Variants in SPEF2 observed in about 807,000 individuals in gnomAD.
SPEF2 encodes the protein sperm flagellar and cilia associated 2, also known as sperm flagella and cilia-associated protein 2.
In SPEF2, 187 loss-of-function variants were observed where a neutral mutation model predicts 224.6. That is an observed-to-expected ratio of 0.83 (90% CI 0.74 to 0.94). The LOEUF (loss-of-function observed/expected upper bound fraction) is 0.94, where lower values mean the gene tolerates loss of function less well. Ranked by LOEUF, SPEF2 falls within the 40% of genes least tolerant of loss-of-function variation. The pLI is 0.00. For synonymous variants in SPEF2, 715 were observed against 707.3 expected, an observed-to-expected ratio of 1.01 and a Z score of -0.17; for missense variants, 2,170 against 2,135.6, an observed-to-expected ratio of 1.02 and a Z score of -0.32.
At chr5:35,653,803 C>T (rs567278091) in intron 6 of SPEF2, among the ~76,000 whole-genome samples, 24 of 151,032 alleles carry the variant, frequency 1.6e-4, no homozygotes, top group African/African-American at 5.1e-4. Context: ...AAAAATTAGC[C>T]GGGCGTGGTG....
At chr5:35,782,265 G>A (rs1285014591) in intron 30 of SPEF2, among the ~76,000 whole-genome samples, 1 of 152,190 alleles carries the variant, frequency 6.6e-6, no homozygotes, top group Non-Finnish European at 1.5e-5. Context: ...TGAAAGTGTG[G>A]AGGAGCTGGC....
chr5:35,732,078 T>C (rs1374676247), intron 21 of SPEF2, among the ~76,000 whole-genome samples: 4 of 152,206 alleles, frequency 2.6e-5, no homozygotes, highest in East Asian at 3.8e-4. Context: ...TGAGCACTTA[T>C]AAAGATGATC....
At chr5:35,637,727 C>CATATAAATTCGTTGTTAGCCCCAG (rs1746038747) in intron 2 of SPEF2, among the ~76,000 whole-genome samples, 1 of 152,138 alleles carries the variant, frequency 6.6e-6, no homozygotes, top group Non-Finnish European at 1.5e-5. Context: ...AAGTACATGG[C>CATATAAATTCGTTGTTAGCCCCAG]ATATAAATTC....
intron 20 of SPEF2, among the ~76,000 whole-genome samples, chr5:35,713,678 C>T (rs2149604839): frequency 6.7e-6 from 1 of 148,750 alleles, no homozygotes; most frequent in South Asian, 2.1e-4. Flanking sequence ...ACGGAGGCTG[C>T]AGTGAGCCAA....
intron 16 of SPEF2, among the ~76,000 whole-genome samples, chr5:35,702,694 A>T (rs1738896019): frequency 6.6e-6 from 1 of 152,204 alleles, no homozygotes; most frequent in Non-Finnish European, 1.5e-5. Flanking sequence ...ATAAAAATTA[A>T]AAAGAAATCC....
At chr5:35,757,844 A>C (rs1015672590) in intron 24 of SPEF2, among the ~76,000 whole-genome samples, 1 of 152,232 alleles carries the variant, frequency 6.6e-6, no homozygotes, top group African/African-American at 2.4e-5. Flanking sequence ...ATGTTCTATA[A>C]TGTGAGACAA....
At chr5:35,767,908 A>G (rs917852021) in intron 26 of SPEF2, among the ~76,000 whole-genome samples, 6 of 152,140 alleles carry the variant, frequency 3.9e-5, no homozygotes, top group Admixed American at 1.3e-4. Flanking sequence ...GTTAGTTTCT[A>G]TCTTGATTCC....
At position 35,759,594 on chromosome 5, in the gene SPEF2, A is replaced by G; in HGVS notation, c.3495A>G (p.Thr1165=). The change falls in exon 25 of 37, where the codon ACA becomes ACG. Residue 1165 remains threonine, a synonymous_variant. Coordinates refer to ENST00000356031, the MANE Select transcript of SPEF2 (RefSeq NM_024867.4). Reference sequence around the variant, plus strand: ...CAGAGCTGAACCGTTTCCAAGATACAAAGAGACTCCTTCAAGATTATTACT... The same window carrying G: ...CAGAGCTGAACCGTTTCCAAGATACGAAGAGACTCCTTCAAGATTATTACT... The part of the protein sequence containing the change: ...MQAELNRFQD[T]KRLLQDYYWG... The G allele has an allele frequency of 1.9e-6, 3 of 1,607,334 alleles. No homozygotes were observed. Among genetic ancestry groups the G allele is most frequent in the Admixed American group, 1.7e-5 (1 of 59,744 alleles).
At position 35,654,700 on chromosome 5, in the gene SPEF2, C is replaced by G. The variant is rs375325536; in HGVS notation, c.952C>G (p.Gln318Glu). The change falls in exon 7 of 37, where the codon CAG becomes GAG. Residue 318 changes from glutamine (Q) to glutamate (E), a missense_variant. By Grantham distance (29) the Gln-to-Glu change is conservative. Coordinates refer to ENST00000356031, the MANE Select transcript of SPEF2 (RefSeq NM_024867.4). ...EKRRRKLLMD[Q>E]LIAHEAQEEA... ...AAGACGGCGGAAATTGTTAATGGAC[C>G]AGTTAATAGCCCACGAAGCACAAGA... is the stretch of plus-strand genomic sequence containing the variant. 117 of 1,608,458 alleles carry G rather than the reference C, an allele frequency of 7.3e-5. No individual in the cohort carries two copies. The highest frequency in any genetic ancestry group is 9.6e-5 in the Non-Finnish European group (113 of 1,178,830).
chr5:35,776,132 G>A, intron 28 of SPEF2, 125 bp from the exon 29 acceptor site: 1 of 846,506 alleles, frequency 1.2e-6, no homozygotes, highest in Non-Finnish European at 1.8e-6. Context: ...TATCTATTCT[G>A]GTATATTAAA....
chr5:35,705,538 A>G (rs1739576023), intron 17 of SPEF2, 113 bp from the exon 18 acceptor site: 1 of 688,112 alleles, frequency 1.5e-6, no homozygotes, highest in Non-Finnish European at 2.3e-6. Flanking sequence ...TTTTTCAGAT[A>G]CAATTATATT....
At chr5:35,638,260 A>T (rs1746112858) in intron 2 of SPEF2, among the ~76,000 whole-genome samples, 1 of 152,088 alleles carries the variant, frequency 6.6e-6, no homozygotes, top group African/African-American at 2.4e-5. Context: ...CTAAAACTCT[A>T]CACTCATATC....
At position 35,779,181 on chromosome 5, in the gene SPEF2, C is replaced by A. The variant is rs769128871; in HGVS notation, c.4282C>A (p.Leu1428Ile). Reference sequence around the variant, plus strand: ...AACATCTACAAAAATTCAGAATGAACTTTATTTAAGCCAAGAAGACTTCTT... The same window carrying A: ...AACATCTACAAAAATTCAGAATGAAATTTATTTAAGCCAAGAAGACTTCTT... ...IETSTKIQNE[L>I]YLSQEDFFIN... Residue 1428 changes from leucine to isoleucine, a missense_variant, in exon 30 of 37, where the codon CTT (leucine) becomes ATT (isoleucine). Coordinates refer to ENST00000356031, the MANE Select transcript of SPEF2 (RefSeq NM_024867.4). The A allele has an allele frequency of 6.2e-7, 1 of 1,613,788 alleles. No individual in the cohort carries two copies. Among genetic ancestry groups the A allele is most frequent in the Non-Finnish European group, 8.5e-7 (1 of 1,179,858 alleles).
chr5:35,781,560 G>A (rs1754340146), intron 30 of SPEF2: 1 of 152,120 alleles, frequency 6.6e-6, no homozygotes, highest in South Asian at 2.1e-4. Flanking sequence ...TAGAAGAGGA[G>A]GCTTTCTCTG....
chr5:35,740,686 C>G (rs1007112901), intron 23 of SPEF2, among the ~76,000 whole-genome samples: 1 of 152,142 alleles, frequency 6.6e-6, no homozygotes, highest in African/African-American at 2.4e-5. Flanking sequence ...TTGAATAGAT[C>G]TCTTAAGGGC....
At chr5:35,715,981 G>A (rs1171593926) in intron 20 of SPEF2, among the ~76,000 whole-genome samples, 4 of 151,926 alleles carry the variant, frequency 2.6e-5, no homozygotes, top group African/African-American at 9.7e-5. Context: ...AATGCAGTAT[G>A]CATGCATGCA....
intron 29 of SPEF2, among the ~76,000 whole-genome samples, chr5:35,777,842 A>G (rs752970751): frequency 4.6e-5 from 7 of 152,088 alleles, no homozygotes; most frequent in Non-Finnish European, 1.0e-4. Context: ...CCTGATGCCC[A>G]GTAAAGGTAT....
chr5:35,773,700 A>C (rs1753200042), intron 27 of SPEF2, among the ~76,000 whole-genome samples, 193 bp from the exon 28 acceptor site: 1 of 152,200 alleles, frequency 6.6e-6, no homozygotes, highest in Non-Finnish European at 1.5e-5. Context: ...CCAGCCCAGG[A>C]ACCATACAGA....
At chr5:35,812,832 A>G (rs548773093) in intron 36 of SPEF2, among the ~76,000 whole-genome samples, 1 of 152,344 alleles carries the variant, frequency 6.6e-6, no homozygotes, top group East Asian at 1.9e-4. Flanking sequence ...GAACTGAAGG[A>G]GACTTTCATC....
Sources: allele counts gnomAD v4.1 joint callset (sites outside exome capture counted in the v4.1 genomes callset), GRCh38; gene constraint gnomAD v4.1.1; transcripts MANE v1.5; gene names NCBI Gene and HGNC (gene_info 2026-07-23, HGNC 2026-07-21).